CCSER1: variants seen among roughly 807,000 people sequenced by gnomAD.
CCSER1 encodes coiled-coil serine rich protein 1.
Under a neutral mutation model 82.0 loss-of-function variants are expected in CCSER1, and 41 were observed. The observed-to-expected ratio is 0.50, with a 90% CI of 0.39 to 0.65. The LOEUF (loss-of-function observed/expected upper bound fraction) is 0.65. CCSER1 is among the 30% of genes least tolerant of loss of function. The pLI is 0.00. For missense variants in CCSER1, 1,119 were observed against 1,064.2 expected (o/e 1.05, Z -0.72); for synonymous variants, 414 against 383.9 (o/e 1.08, Z -0.92).
intron 5 of CCSER1, among the ~76,000 whole-genome samples, chr4:90,509,750 G>A (rs1005729949): frequency 6.6e-6 from 1 of 152,122 alleles, no homozygotes; most frequent in African/African-American, 2.4e-5. Flanking sequence ...ATGATGGTTA[G>A]ATGTATATTG....
At chr4:91,129,843 G>A (rs186565868) in intron 10 of CCSER1, 24 of 152,076 alleles carry the variant, frequency 1.6e-4, no homozygotes, top group Admixed American at 1.4e-3. Context: ...TTCCATCCAG[G>A]TGGCAAAATG....
chr4:91,110,263 C>A (rs888174329), intron 10 of CCSER1, among the ~76,000 whole-genome samples: 7 of 149,752 alleles, frequency 4.7e-5, no homozygotes, highest in Non-Finnish European at 8.9e-5. Context: ...AACAAGTTGC[C>A]TATCTTTTCA....
At chr4:90,772,751 G>C (rs925068867) in intron 7 of CCSER1, among the ~76,000 whole-genome samples, 3 of 151,986 alleles carry the variant, frequency 2.0e-5, no homozygotes, top group Admixed American at 2.0e-4. Flanking sequence ...AGAAAAATAG[G>C]CTTTTCTTAT....
intron 1 of CCSER1, among the ~76,000 whole-genome samples, chr4:90,204,173 T>A (rs1442671336): frequency 6.6e-6 from 1 of 152,254 alleles, no homozygotes; most frequent in African/African-American, 2.4e-5. Flanking sequence ...TTTCTTTTGC[T>A]GTGCAGAAGC....
intron 9 of CCSER1, among the ~76,000 whole-genome samples, chr4:90,947,715 C>T (rs1468261461): frequency 6.6e-6 from 1 of 152,120 alleles, no homozygotes; most frequent in Non-Finnish European, 1.5e-5. Context: ...AGTCATTTAT[C>T]TCCTTACAAC....
intron 9 of CCSER1, among the ~76,000 whole-genome samples, chr4:90,957,245 GC>G (rs35837427): frequency 0.058 from 8,183 of 141,892 alleles, 310 homozygotes; most frequent in South Asian, 0.17. Context: ...GGGATTACAG[GC>G]CCCCCCCACC....
chr4:90,918,259 A>G (rs952260897), intron 8 of CCSER1: 15 of 455,616 alleles, frequency 3.3e-5, no homozygotes, highest in Middle Eastern at 3.2e-4. Flanking sequence ...CACGTAGGCC[A>G]TCATGTTCCA....
intron 7 of CCSER1, among the ~76,000 whole-genome samples, chr4:90,779,327 A>G (rs1442727968): frequency 6.6e-6 from 1 of 151,606 alleles, no homozygotes; most frequent in Non-Finnish European, 1.5e-5. Flanking sequence ...TTCTTATTTC[A>G]AGGTATACAT....
intron 8 of CCSER1, among the ~76,000 whole-genome samples, chr4:90,860,574 A>C (rs1203070167): frequency 6.6e-6 from 1 of 151,698 alleles, no homozygotes; most frequent in Non-Finnish European, 1.5e-5. Flanking sequence ...TTAAACCTGT[A>C]CCTGATTTTC....
At chr4:90,891,684 T>G (rs7659696) in intron 8 of CCSER1, among the ~76,000 whole-genome samples, 46,912 of 151,818 alleles carry the variant, frequency 0.31, 8,016 homozygotes, top group Non-Finnish European at 0.4. Context: ...GCACAACCAC[T>G]ATATCTGGCA....
intron 1 of CCSER1, among the ~76,000 whole-genome samples, chr4:90,200,303 C>A (rs1395402473): frequency 6.6e-6 from 1 of 152,090 alleles, no homozygotes; most frequent in Non-Finnish European, 1.5e-5. Flanking sequence ...CCTCTAAATT[C>A]TACTGAGGAT....
At chr4:91,386,472 A>T (rs1318625477) in intron 10 of CCSER1, among the ~76,000 whole-genome samples, 1 of 152,086 alleles carries the variant, frequency 6.6e-6, no homozygotes, top group Non-Finnish European at 1.5e-5. Flanking sequence ...ATAGTAGAAT[A>T]TCAATTGATA....
At chr4:90,853,031 T>C (rs901716924) in intron 8 of CCSER1, among the ~76,000 whole-genome samples, 5 of 151,830 alleles carry the variant, frequency 3.3e-5, no homozygotes. Context: ...GAGCGAGAGA[T>C]AAAGTACGGA....
chr4:91,346,970 A>T (rs1748103889), intron 10 of CCSER1, among the ~76,000 whole-genome samples: 1 of 151,842 alleles, frequency 6.6e-6, no homozygotes, highest in Non-Finnish European at 1.5e-5. Context: ...TGCAGAGCAA[A>T]AGTTTTAGTT....
At chr4:90,592,096 A>G (rs1455785729) in intron 5 of CCSER1, among the ~76,000 whole-genome samples, 1 of 152,008 alleles carries the variant, frequency 6.6e-6, no homozygotes, top group African/African-American at 2.4e-5. Context: ...AGGGCTTAAA[A>G]CCTAGATGAC....
chr4:90,176,641 C>T (rs1002061696), intron 1 of CCSER1, among the ~76,000 whole-genome samples: 1 of 151,830 alleles, frequency 6.6e-6, no homozygotes, highest in Non-Finnish European at 1.5e-5. Flanking sequence ...GACCACCTGT[C>T]GATATCCAGA....
At chr4:91,329,614 C>T (rs1003653830) in intron 10 of CCSER1, among the ~76,000 whole-genome samples, 1 of 152,146 alleles carries the variant, frequency 6.6e-6, no homozygotes, top group Non-Finnish European at 1.5e-5. Context: ...GGTGAGGACC[C>T]TCTTCCTGGT....
chr4:91,193,856 T>A (rs1209357235), intron 10 of CCSER1, among the ~76,000 whole-genome samples: 1 of 152,120 alleles, frequency 6.6e-6, no homozygotes. Context: ...CTGATGTCCC[T>A]TATGATTGCT....
At chr4:91,349,260 G>A (rs778089761) in intron 10 of CCSER1, among the ~76,000 whole-genome samples, 11 of 152,104 alleles carry the variant, frequency 7.2e-5, no homozygotes, top group East Asian at 5.8e-4. Context: ...CTAAGGGTTG[G>A]GTGTTTTTTT....
Sources: gnomAD v4.1 joint callset for allele counts (sites outside exome capture counted in the v4.1 genomes callset) on GRCh38, gnomAD v4.1.1 for gene constraint, MANE v1.5 for transcripts, NCBI Gene and HGNC (gene_info 2026-07-23, HGNC 2026-07-21) for gene names.